Variants in SOX6 observed in about 807,000 individuals in gnomAD.
The protein encoded by SOX6 is SRY-box transcription factor 6.
Under a neutral mutation model 97.8 loss-of-function variants are expected in SOX6, and 11 were observed. The ratio of observed to expected loss-of-function variants is 0.11; its 90% CI spans 0.07 to 0.19. The LOEUF (loss-of-function observed/expected upper bound fraction) is 0.19, where lower values mean the gene tolerates loss of function less well. Ranked by LOEUF, SOX6 falls within the 10% of genes least tolerant of loss-of-function variation. SOX6 has a pLI of 1.00. For missense variants in SOX6, 810 were observed against 1,039.5 expected (o/e 0.78, Z 3.04); for synonymous variants, 360 against 371.4 (o/e 0.97, Z 0.35).
intron 4 of SOX6, among the ~76,000 whole-genome samples, chr11:16,507,829 T>C (rs1860815794): frequency 6.6e-6 from 1 of 152,134 alleles, no homozygotes; most frequent in Admixed American, 6.6e-5. Flanking sequence ...TAGGCAAAGA[T>C]TTTATGGCTA....
chr11:16,459,122 G>A (rs1434141396), intron 1 of SOX6, among the ~76,000 whole-genome samples: 1 of 151,854 alleles, frequency 6.6e-6, no homozygotes, highest in Non-Finnish European at 1.5e-5. Flanking sequence ...CTCATCCAAG[G>A]CCAGGAATAG....
At chr11:16,125,211 C>G (rs1849579773) in intron 6 of SOX6, among the ~76,000 whole-genome samples, 1 of 151,926 alleles carries the variant, frequency 6.6e-6, no homozygotes, top group South Asian at 2.1e-4. Context: ...TATTTGGATA[C>G]TGATACATTA....
chr11:16,454,255 T>G (rs763521048), intron 1 of SOX6, among the ~76,000 whole-genome samples: 2 of 152,036 alleles, frequency 1.3e-5, no homozygotes, highest in Non-Finnish European at 2.9e-5. Context: ...ACAAGCTCAA[T>G]TGTTATTTTA....
intron 4 of SOX6, among the ~76,000 whole-genome samples, chr11:16,503,985 G>C (rs1265528822): frequency 1.3e-5 from 2 of 151,928 alleles, no homozygotes; most frequent in African/African-American, 4.8e-5. Flanking sequence ...GGAGCTTGCA[G>C]TGAGCTGAGA....
chr11:16,377,018 A>T (rs949253801), intron 1 of SOX6, among the ~76,000 whole-genome samples: 3 of 151,990 alleles, frequency 2.0e-5, no homozygotes, highest in Non-Finnish European at 2.9e-5. Flanking sequence ...CCTACAAAGG[A>T]ATTCTTTTAT....
At chr11:16,425,796 T>C (rs1859116372) in intron 1 of SOX6, among the ~76,000 whole-genome samples, 1 of 152,144 alleles carries the variant, frequency 6.6e-6, no homozygotes, top group Admixed American at 6.6e-5. Context: ...TACAAACCAC[T>C]GCTCACAGAA....
At chr11:16,061,053 A>G (rs1438527396) in intron 9 of SOX6, among the ~76,000 whole-genome samples, 2 of 151,800 alleles carry the variant, frequency 1.3e-5, no homozygotes, top group African/African-American at 4.8e-5. Flanking sequence ...GTGGTACATC[A>G]TTATATTTAT....
chr11:16,132,198 A>G (rs1205376832), intron 6 of SOX6, among the ~76,000 whole-genome samples: 5 of 149,698 alleles, frequency 3.3e-5, no homozygotes, highest in Non-Finnish European at 7.4e-5. Flanking sequence ...TACAGCCTAT[A>G]ATTTCCAAAA....
chr11:16,201,434 A>G (rs1201610750), intron 4 of SOX6, among the ~76,000 whole-genome samples: 3 of 151,530 alleles, frequency 2.0e-5, no homozygotes, highest in East Asian at 3.9e-4. Flanking sequence ...ACTATTCTTT[A>G]GAATAATTAG....
At chr11:16,701,719 G>T (rs1590057275) in intron 3 of SOX6, among the ~76,000 whole-genome samples, 1 of 150,018 alleles carries the variant, frequency 6.7e-6, no homozygotes, top group Non-Finnish European at 1.5e-5. Flanking sequence ...AGCCAGGCGT[G>T]GTGGCCGGCG....
At position 16,024,320 on chromosome 11, in the gene SOX6, C is replaced by A. The variant is rs1371694297; in HGVS notation, c.1624-9270G>T. On this transcript the variant is annotated intron_variant, in intron 12 of 15. Transcript: ENST00000683767. The stretch of plus-strand genomic sequence containing the variant: ...TGTCTCTGGTAGTTTATTACGGCAA[C>A]CCTGGCCAACTAATACAATGGCAGC... 7.2e-5 allele frequency among the ~76,000 whole-genome samples: 11 copies of A among 152,058 alleles called. No individual in the cohort carries two copies. In the South Asian group the frequency reaches 2.1e-3, roughly 29 times the overall value.
chr11:16,065,655 G>A (rs1477840869), intron 9 of SOX6, among the ~76,000 whole-genome samples: 1 of 152,126 alleles, frequency 6.6e-6, no homozygotes, highest in South Asian at 2.1e-4. Flanking sequence ...ATACATGCTG[G>A]GGAAAAGACA....
chr11:16,583,692 A>C (rs925310894), intron 4 of SOX6, among the ~76,000 whole-genome samples: 1 of 145,966 alleles, frequency 6.9e-6, no homozygotes, highest in South Asian at 2.2e-4. Context: ...GGTTGATTCC[A>C]TGTTATTGTG....
intron 3 of SOX6, among the ~76,000 whole-genome samples, chr11:16,250,069 C>G (rs925757909): frequency 6.6e-6 from 1 of 152,114 alleles, no homozygotes; most frequent in South Asian, 2.1e-4. Flanking sequence ...GCAGGAGTCC[C>G]CAACCCCTGG....
chr11:16,078,340 C>A (rs1303932785), intron 9 of SOX6, among the ~76,000 whole-genome samples: 1 of 152,114 alleles, frequency 6.6e-6, no homozygotes, highest in Non-Finnish European at 1.5e-5. Context: ...AAAAACTCAT[C>A]AATGAGTCCA....
intron 9 of SOX6, among the ~76,000 whole-genome samples, chr11:16,078,161 T>C (rs1848399581): frequency 6.6e-6 from 1 of 152,230 alleles, no homozygotes; most frequent in South Asian, 2.1e-4. Flanking sequence ...AGATGTGTTT[T>C]CCTTTTGTTT....
chr11:16,044,462 T>G (rs1855767695), intron 12 of SOX6, among the ~76,000 whole-genome samples: 2 of 152,130 alleles, frequency 1.3e-5, no homozygotes, highest in Admixed American at 6.5e-5. Flanking sequence ...ACATTATACA[T>G]TAATATTTAC....
chr11:16,249,233 T>C (rs1388609798), intron 3 of SOX6, among the ~76,000 whole-genome samples: 1 of 152,202 alleles, frequency 6.6e-6, no homozygotes, highest in Non-Finnish European at 1.5e-5. Flanking sequence ...TTCCAAACTT[T>C]TATGCTCTGC....
At chr11:16,218,498 T>C (rs1852437086) in intron 4 of SOX6, among the ~76,000 whole-genome samples, 1 of 152,090 alleles carries the variant, frequency 6.6e-6, no homozygotes, top group Admixed American at 6.6e-5. Flanking sequence ...CAACTTGCAT[T>C]TTGCCCTGGC....
Sources: gnomAD v4.1 joint callset for allele counts (sites outside exome capture counted in the v4.1 genomes callset) on GRCh38, gnomAD v4.1.1 for gene constraint, MANE v1.5 for transcripts, NCBI Gene and HGNC (gene_info 2026-07-23, HGNC 2026-07-21) for gene names.